STAU1: variants seen among roughly 807,000 people sequenced by gnomAD.
STAU1 encodes double-stranded RNA-binding protein Staufen homolog 1.
Under a neutral mutation model 62.9 loss-of-function variants are expected in STAU1, and 13 were observed. That is an observed-to-expected ratio of 0.21 (90% CI 0.13 to 0.33). The LOEUF (loss-of-function observed/expected upper bound fraction) is 0.33, where lower values mean the gene tolerates loss of function less well. Ranked by LOEUF, STAU1 falls within the 10% of genes least tolerant of loss-of-function variation. The pLI is 1.00. For missense variants in STAU1, 571 were observed against 712.1 expected (o/e 0.80, Z 2.25); for synonymous variants, 269 against 265.1 (o/e 1.01, Z -0.14).
At chr20:49,164,777 T>A (rs556477113) in intron 3 of STAU1, among the ~76,000 whole-genome samples, 106 of 152,054 alleles carry the variant, frequency 7.0e-4, no homozygotes, top group Non-Finnish European at 3.4e-4. Context: ...AAACGAGAGA[T>A]AAGAAAGGAA....
chr20:49,168,954 ATT>A (rs201860565), intron 2 of STAU1, among the ~76,000 whole-genome samples: 6 of 143,656 alleles, frequency 4.2e-5, no homozygotes, highest in Non-Finnish European at 4.6e-5. Flanking sequence ...ATAGATGCTA[ATT>A]TTTTTTTTTT....
chr20:49,177,807 G>A (rs1415836598), intron 1 of STAU1, among the ~76,000 whole-genome samples: 1 of 151,252 alleles, frequency 6.6e-6, no homozygotes, highest in Non-Finnish European at 1.5e-5. Context: ...AAAGAAAGAA[G>A]AGAGAGAGAG....
intron 6 of STAU1, among the ~76,000 whole-genome samples, chr20:49,133,101 G>A (rs934674273): frequency 6.6e-6 from 1 of 152,152 alleles, no homozygotes; most frequent in African/African-American, 2.4e-5. Flanking sequence ...CACCACGAGA[G>A]GGCACTCCTA....
intron 2 of STAU1, among the ~76,000 whole-genome samples, chr20:49,167,878 T>A (rs139431134): frequency 5.3e-5 from 8 of 152,168 alleles, no homozygotes; most frequent in Non-Finnish European, 8.8e-5. Flanking sequence ...GGTCTCAAGG[T>A]CAAAAAATGA....
At chr20:49,138,856 T>C (rs990605603) in intron 5 of STAU1, among the ~76,000 whole-genome samples, 2 of 152,082 alleles carry the variant, frequency 1.3e-5, no homozygotes, top group African/African-American at 4.8e-5. Context: ...TTTTTATGAG[T>C]GAATCCTTAA....
rs550376644 is a variant in STAU1, at chr20:49,169,085, G to A, written c.-84-2800C>T. Among the ~76,000 whole-genome samples the A allele has an allele frequency of 4.6e-5, 7 of 151,886 alleles. No individual in the cohort carries two copies. The South Asian group carries it at 1.0e-3, about 23-fold the overall frequency. On this transcript the variant is annotated intron_variant, in intron 2 of 13. Coordinates refer to ENST00000371856, the MANE Select transcript of STAU1 (RefSeq NM_017453.4). ...CCTGCCTTAGTCTCCCGAGTACTTA[G>A]GATTACAGGCGTGTACCACCACACC...
chr20:49,202,585 A>T, the STAU1 span, among the ~76,000 whole-genome samples: 1 of 151,734 alleles, frequency 6.6e-6, no homozygotes, highest in Non-Finnish European at 1.5e-5. Flanking sequence ...AAATAAATAA[A>T]TAAATAAATA....
chr20:49,137,502 T>C (rs985887605), intron 5 of STAU1, among the ~76,000 whole-genome samples: 3 of 152,184 alleles, frequency 2.0e-5, no homozygotes, highest in Admixed American at 2.0e-4. Flanking sequence ...TTCTTCACAT[T>C]ATTGCTTATT....
chr20:49,200,335 AC>A, the STAU1 span, among the ~76,000 whole-genome samples: 1 of 152,194 alleles, frequency 6.6e-6, no homozygotes, highest in Non-Finnish European at 1.5e-5. Context: ...GCGGTGGCTC[AC>A]GCCTGTAATC....
chr20:49,141,808 A>AG lies in STAU1; in HGVS notation c.511-5878dup, dbSNP rs553487042. Among the ~76,000 whole-genome samples, 304 of 152,334 alleles carry AG rather than the reference A, an allele frequency of 2.0e-3. 1 individual carries two copies. The highest frequency in any genetic ancestry group is 7.0e-3 in the African/African-American group (289 of 41,578). ...TGAAGGCCATCTCACTATCATTCCCAGGGCAGTTAATCACTATCCTAAAGT... is the reference window on the plus strand; with the variant it reads ...TGAAGGCCATCTCACTATCATTCCCAGGGGCAGTTAATCACTATCCTAAAGT... On this transcript the variant is annotated intron_variant, in intron 5 of 13. Coordinates refer to ENST00000371856, the MANE Select transcript of STAU1 (RefSeq NM_017453.4).
At chr20:49,175,798 CTT>C (rs386393906) in intron 1 of STAU1, among the ~76,000 whole-genome samples, 5 of 104,818 alleles carry the variant, frequency 4.8e-5, no homozygotes, top group Non-Finnish European at 9.3e-5. Context: ...CTCATAATGC[CTT>C]TTTTTTTTTT....
chr20:49,163,624 C>G (rs1307544179), intron 3 of STAU1, among the ~76,000 whole-genome samples: 1 of 152,000 alleles, frequency 6.6e-6, no homozygotes, highest in Non-Finnish European at 1.5e-5. Flanking sequence ...CAGGGTTTCA[C>G]CATGTTGGCC....
intron 1 of STAU1, among the ~76,000 whole-genome samples, chr20:49,184,327 G>C (rs1227893973): frequency 1.3e-5 from 2 of 152,098 alleles, no homozygotes; most frequent in African/African-American, 4.8e-5. Flanking sequence ...TTCAGGGTTG[G>C]GGTGGCTGGA....
chr20:49,149,186 G>A (rs1315855867), intron 5 of STAU1, among the ~76,000 whole-genome samples: 1 of 151,856 alleles, frequency 6.6e-6, no homozygotes, highest in East Asian at 1.9e-4. Flanking sequence ...AGGAGGTGGA[G>A]GTTGCAGTGA....
chr20:49,123,413 G>T (rs1348880887), intron 7 of STAU1, among the ~76,000 whole-genome samples, 178 bp from the exon 8 acceptor site: 1 of 151,940 alleles, frequency 6.6e-6, no homozygotes, highest in African/African-American at 2.4e-5. Context: ...TTTTATGATT[G>T]TTCTAGGTGA....
At chr20:49,126,588 C>CAAAAAAAAAAAAACAAAAAAAAAACAA in intron 6 of STAU1, among the ~76,000 whole-genome samples, 20 of 56,350 alleles carry the variant, frequency 3.5e-4, no homozygotes, top group South Asian at 1.1e-3. Context: ...AAAAAAAAAA[C>CAAAAAAAAAAAAACAAAAAAAAAACAA]AAAAAAAAAA....
chr20:49,186,969 G>C (rs1012856161), intron 1 of STAU1, among the ~76,000 whole-genome samples: 1 of 152,094 alleles, frequency 6.6e-6, no homozygotes. Flanking sequence ...ACTGCAACAC[G>C]GAGGCGGGGC....
chr20:49,208,341 A>G, the STAU1 span, among the ~76,000 whole-genome samples: 2 of 152,004 alleles, frequency 1.3e-5, no homozygotes, highest in Non-Finnish European at 2.9e-5. Context: ...TACAGGTGTG[A>G]GCCACCGCAC....
chr20:49,169,169 T>TGAACTCCTGATCTC (rs2093565941), intron 2 of STAU1, among the ~76,000 whole-genome samples: 1 of 152,018 alleles, frequency 6.6e-6, no homozygotes, highest in Non-Finnish European at 1.5e-5. Context: ...AGGCTGATCT[T>TGAACTCCTGATCTC]GAACTCCTGA....
Sources: gnomAD v4.1 joint callset for allele counts (sites outside exome capture counted in the v4.1 genomes callset) on GRCh38, gnomAD v4.1.1 for gene constraint, MANE v1.5 for transcripts, NCBI Gene and HGNC (gene_info 2026-07-23, HGNC 2026-07-21) for gene names.